Variants in PPP3CA observed in about 807,000 individuals in gnomAD.
The protein encoded by PPP3CA is protein phosphatase 3 catalytic subunit alpha.
A neutral mutation model predicts 66.5 loss-of-function variants in PPP3CA; 14 were observed. The observed-to-expected ratio is 0.21, with a 90% CI of 0.14 to 0.33. The LOEUF is 0.33. Among genes scored for constraint, PPP3CA ranks in the 10% least tolerant of loss-of-function variants. The probability of loss-of-function intolerance (pLI) is 1.00; values close to 1 mark genes in which losing one functional copy is unlikely to be tolerated. For missense variants in PPP3CA, 317 were observed against 639.5 expected (o/e 0.50, Z 5.44); for synonymous variants, 232 against 226.2 (o/e 1.03, Z -0.23).
At chr4:101,122,821 A>G (rs1722071776) in intron 2 of PPP3CA, among the ~76,000 whole-genome samples, 1 of 152,210 alleles carries the variant, frequency 6.6e-6, no homozygotes, top group Non-Finnish European at 1.5e-5. Context: ...TTAGGAAGAT[A>G]AATCTGGTAA....
At chr4:101,335,934 G>A (rs1729615736) in intron 1 of PPP3CA, among the ~76,000 whole-genome samples, 1 of 152,234 alleles carries the variant, frequency 6.6e-6, no homozygotes, top group Non-Finnish European at 1.5e-5. Flanking sequence ...GCCGGGCATG[G>A]TGGCTCACAC....
chr4:101,025,304 G>GTTT lies in PPP3CA; in HGVS notation c.*558_*560dup, dbSNP rs5860654. ...GCAACGTTCTTTTTTTTCTTTTTCT[G>GTTT]TTTTTTTTTTTTTTTAAGACTGCCT... On this transcript the variant is annotated 3_prime_UTR_variant, in exon 14 of 14. Coordinates refer to ENST00000394854, the MANE Select transcript of PPP3CA (RefSeq NM_000944.5). 6,074 of 136,476 alleles carry GTTT rather than the reference G, an allele frequency of 0.045. 445 individuals carry two copies. Among genetic ancestry groups the GTTT allele is most frequent in the African/African-American group, 0.15 (5,659 of 36,558 alleles). 8.5% of individuals were successfully genotyped at this position (136,476 alleles called of 1,614,324 possible).
chr4:101,234,765 G>A (rs1430292500), intron 1 of PPP3CA, among the ~76,000 whole-genome samples: 2 of 151,634 alleles, frequency 1.3e-5, no homozygotes, highest in Admixed American at 1.3e-4. Flanking sequence ...AAACTTACAG[G>A]CTCAAAGTAA....
intron 6 of PPP3CA, among the ~76,000 whole-genome samples, chr4:101,091,481 C>G (rs889416499): frequency 6.6e-6 from 1 of 152,002 alleles, no homozygotes; most frequent in Admixed American, 6.6e-5. Flanking sequence ...ATGCTTAGAA[C>G]AAACCTCTCT....
intron 2 of PPP3CA, among the ~76,000 whole-genome samples, chr4:101,114,069 T>C (rs1427772660): frequency 6.6e-6 from 1 of 152,112 alleles, no homozygotes; most frequent in Non-Finnish European, 1.5e-5. Context: ...CTAATTAGAA[T>C]GCTGGTGGGT....
intron 1 of PPP3CA, among the ~76,000 whole-genome samples, chr4:101,237,530 G>A (rs1373618856): frequency 1.3e-5 from 2 of 152,028 alleles, no homozygotes; most frequent in African/African-American, 4.8e-5. Context: ...GTATTTTTAA[G>A]TATTTTACCT....
chr4:101,279,995 T>C (rs960220893), intron 1 of PPP3CA, among the ~76,000 whole-genome samples: 4 of 152,208 alleles, frequency 2.6e-5, no homozygotes, highest in African/African-American at 4.8e-5. Context: ...AAATCAACTA[T>C]AACATCATCG....
intron 10 of PPP3CA, among the ~76,000 whole-genome samples, chr4:101,047,565 A>ATTGAG (rs1339210534): frequency 6.6e-6 from 1 of 151,992 alleles, no homozygotes; most frequent in Admixed American, 6.6e-5. Context: ...TTTCTTTGAA[A>ATTGAG]TTGAGTTCCA....
At chr4:101,117,244 C>A (rs1721865076) in intron 2 of PPP3CA, among the ~76,000 whole-genome samples, 1 of 151,712 alleles carries the variant, frequency 6.6e-6, no homozygotes, top group South Asian at 2.1e-4. Flanking sequence ...TCATTCATCC[C>A]CTAATTCTCA....
chr4:101,263,442 CAAAT>C (rs1230350914), intron 1 of PPP3CA, among the ~76,000 whole-genome samples: 2 of 152,138 alleles, frequency 1.3e-5, no homozygotes, highest in African/African-American at 4.8e-5. Context: ...AATCAACAAA[CAAAT>C]GTTTTTGTTA....
chr4:101,120,792 G>A (rs1191119622), intron 2 of PPP3CA, among the ~76,000 whole-genome samples: 1 of 151,820 alleles, frequency 6.6e-6, no homozygotes, highest in Non-Finnish European at 1.5e-5. Context: ...AATCATTTTT[G>A]TTTACCTCTA....
intron 1 of PPP3CA, among the ~76,000 whole-genome samples, chr4:101,204,399 G>A (rs1193563355): frequency 2.0e-5 from 3 of 152,048 alleles, no homozygotes; most frequent in Admixed American, 2.0e-4. Context: ...CACTTTGGGA[G>A]GCCCAAGCGG....
chr4:101,124,799 GAGA>G (rs938149148), intron 2 of PPP3CA, among the ~76,000 whole-genome samples: 1 of 100,326 alleles, frequency 1.0e-5, no homozygotes, highest in African/African-American at 5.1e-5. Flanking sequence ...AAGAAAGAAA[GAGA>G]AAACTGTATT....
intron 1 of PPP3CA, among the ~76,000 whole-genome samples, chr4:101,276,019 T>C (rs1727485825): frequency 6.6e-6 from 1 of 151,860 alleles, no homozygotes; most frequent in African/African-American, 2.4e-5. Context: ...CTCAGCCTCC[T>C]GCGTAGCTGG....
At chr4:101,284,625 T>C (rs1002416732) in intron 1 of PPP3CA, among the ~76,000 whole-genome samples, 6 of 152,064 alleles carry the variant, frequency 3.9e-5, no homozygotes, top group Non-Finnish European at 7.4e-5. Context: ...AAGCTGTTAC[T>C]ACACCAACTC....
chr4:101,314,953 T>G (rs1728839897), intron 1 of PPP3CA, among the ~76,000 whole-genome samples: 1 of 152,126 alleles, frequency 6.6e-6, no homozygotes, highest in African/African-American at 2.4e-5. Context: ...AAACAACAGC[T>G]CTTGGTTTTA....
At chr4:101,034,478 T>C (rs552599344) in intron 11 of PPP3CA, among the ~76,000 whole-genome samples, 5 of 152,154 alleles carry the variant, frequency 3.3e-5, no homozygotes, top group African/African-American at 1.2e-4. Context: ...GTCCACTCCA[T>C]TCCCCTCCTG....
intron 1 of PPP3CA, among the ~76,000 whole-genome samples, chr4:101,337,715 G>A (rs1213648225): frequency 4.6e-5 from 7 of 152,248 alleles, no homozygotes; most frequent in Non-Finnish European, 7.3e-5. Flanking sequence ...AGCTTGGAAA[G>A]GCCCAGCTGG....
At chr4:101,188,572 A>G (rs572015418) in intron 2 of PPP3CA, among the ~76,000 whole-genome samples, 1 of 152,262 alleles carries the variant, frequency 6.6e-6, no homozygotes, top group African/African-American at 2.4e-5. Context: ...AGACTTTGTT[A>G]TCTCTTTTAG....
Sources: gnomAD v4.1 joint callset for allele counts (sites outside exome capture counted in the v4.1 genomes callset) on GRCh38, gnomAD v4.1.1 for gene constraint, MANE v1.5 for transcripts, NCBI Gene and HGNC (gene_info 2026-07-23, HGNC 2026-07-21) for gene names.